Variants in CACNA2D3 observed in about 807,000 individuals in gnomAD.
CACNA2D3 encodes the protein voltage-dependent calcium channel subunit alpha-2/delta-3.
In CACNA2D3, 60 loss-of-function variants were observed where a neutral mutation model predicts 160.6. The ratio of observed to expected loss-of-function variants is 0.37; its 90% confidence interval spans 0.30 to 0.46. The LOEUF (loss-of-function observed/expected upper bound fraction) is 0.46, where lower values mean the gene tolerates loss of function less well. Among genes scored for constraint, CACNA2D3 ranks in the 20% least tolerant of loss-of-function variants. The probability of loss-of-function intolerance (pLI) is 1.00; values close to 1 mark genes in which losing one functional copy is unlikely to be tolerated. For missense variants in CACNA2D3, 1,205 were observed against 1,365.0 expected, an observed-to-expected ratio of 0.88 and a Z score of 1.85; for synonymous variants, 558 against 492.9, an observed-to-expected ratio of 1.13 and a Z score of -1.75.
At chr3:54,937,060 C>T (rs1701345729) in intron 27 of CACNA2D3, among the ~76,000 whole-genome samples, 1 of 152,094 alleles carries the variant, frequency 6.6e-6, no homozygotes, top group African/African-American at 2.4e-5. Flanking sequence ...AGAGCAGTGC[C>T]CGTGTTCACC....
chr3:54,404,950 CATT>C (rs1699545685), intron 4 of CACNA2D3, among the ~76,000 whole-genome samples: 1 of 121,402 alleles, frequency 8.2e-6, no homozygotes, highest in Non-Finnish European at 1.7e-5. Flanking sequence ...AACTATAAAA[CATT>C]GATGAAACAA....
intron 13 of CACNA2D3, among the ~76,000 whole-genome samples, chr3:54,811,465 C>CTTTTTTTTTTTTTTTTT (rs71096451): frequency 2.7e-5 from 3 of 111,562 alleles, no homozygotes; most frequent in Admixed American, 9.9e-5. Flanking sequence ...TCCCTCAGTT[C>CTTTTTTTTTTTTTTTTT]TTTTTTTTTT....
At chr3:54,536,510 A>T (rs536663859) in intron 5 of CACNA2D3, among the ~76,000 whole-genome samples, 23 of 152,356 alleles carry the variant, frequency 1.5e-4, no homozygotes, top group African/African-American at 5.5e-4. Context: ...GAACTCCTCC[A>T]GAAACCAGCC....
At chr3:54,202,626 G>A (rs918975348) in intron 2 of CACNA2D3, among the ~76,000 whole-genome samples, 1 of 152,188 alleles carries the variant, frequency 6.6e-6, no homozygotes, top group Non-Finnish European at 1.5e-5. Context: ...TAATTATCCA[G>A]TTAATGCATG....
At chr3:54,716,182 G>A (rs562699556) in intron 11 of CACNA2D3, among the ~76,000 whole-genome samples, 4 of 152,230 alleles carry the variant, frequency 2.6e-5, no homozygotes, top group Non-Finnish European at 4.4e-5. Context: ...TCCCATGTAC[G>A]CTTCCCCAGT....
chr3:54,903,816 G>C lies in CACNA2D3; in HGVS notation c.2449+3948G>C, dbSNP rs1251049082. 3.9e-5 allele frequency among the ~76,000 whole-genome samples: 6 copies of C among 152,160 alleles called. 1 individual carries two copies. Among genetic ancestry groups the C allele is most frequent in the African/African-American group, 1.4e-4 (6 of 41,434 alleles). On this transcript the variant is annotated intron_variant, in intron 27 of 37. Transcript: ENST00000474759. ...CATTTATCTAATGATCAGTGATGTT[G>C]AGCTTTTTTTCATATGCTTGTGAGC...
intron 11 of CACNA2D3, among the ~76,000 whole-genome samples, chr3:54,659,049 A>G (rs754699329): frequency 6.6e-6 from 1 of 152,042 alleles, no homozygotes; most frequent in South Asian, 2.1e-4. Context: ...CTTAGGTACT[A>G]CTTTTTCAAT....
rs868246842 is a variant in CACNA2D3 at position 54,391,096 on chromosome 3, A to G, written c.381+4322A>G. The stretch of plus-strand genomic sequence containing the variant: ...TCCGTCTTCCCAAAACAGAAAAGAG[A>G]TGATGGATCTGCCCCTTCTCTCGCT... On this transcript the variant is annotated intron_variant, in intron 4 of 37. Transcript: ENST00000474759. 9.2e-5 allele frequency among the ~76,000 whole-genome samples: 14 copies of G among 152,294 alleles called. 1 individual carries two copies. The South Asian group carries it at 2.7e-3, about 29-fold the overall frequency.
chr3:54,709,515 C>G (rs569314172), intron 11 of CACNA2D3, among the ~76,000 whole-genome samples: 80 of 152,204 alleles, frequency 5.3e-4, no homozygotes, highest in African/African-American at 1.8e-3. Flanking sequence ...TGTACATCAC[C>G]ATGCTGGGCT....
intron 13 of CACNA2D3, among the ~76,000 whole-genome samples, chr3:54,799,245 C>T (rs896595092): frequency 6.6e-6 from 1 of 152,096 alleles, no homozygotes; most frequent in Admixed American, 6.5e-5. Context: ...TATTATAGAC[C>T]AGGTCTGTGG....
At chr3:54,496,678 A>C (rs1701208183) in intron 4 of CACNA2D3, among the ~76,000 whole-genome samples, 1 of 152,204 alleles carries the variant, frequency 6.6e-6, no homozygotes, top group African/African-American at 2.4e-5. Context: ...TTTAAAATGT[A>C]AGTGCCTTCT....
At chr3:54,920,686 A>G (rs1041869733) in intron 27 of CACNA2D3, among the ~76,000 whole-genome samples, 2 of 152,174 alleles carry the variant, frequency 1.3e-5, no homozygotes, top group African/African-American at 4.8e-5. Flanking sequence ...AGAGACAGAA[A>G]TGAAGTGATG....
rs141453618 is a variant in CACNA2D3, at chr3:54,918,504, A to G, written c.2449+18636A>G. 110 of 1,613,890 alleles carry G rather than the reference A, an allele frequency of 6.8e-5. No homozygotes were observed. The African/African-American group carries it at 1.3e-3, about 19-fold the overall frequency. Reference sequence around the variant, plus strand: ...ATCGCTCTTTTTCTTCCACCTTCCCAGGATCATTGGTTTGAGCCAAGGGTC... The same window carrying G: ...ATCGCTCTTTTTCTTCCACCTTCCCGGGATCATTGGTTTGAGCCAAGGGTC... On this transcript the variant is annotated intron_variant, in intron 27 of 37. Coordinates refer to ENST00000474759, the MANE Select transcript of CACNA2D3 (RefSeq NM_018398.3).
At chr3:54,281,033 A>T (rs1702867988) in intron 2 of CACNA2D3, among the ~76,000 whole-genome samples, 1 of 152,134 alleles carries the variant, frequency 6.6e-6, no homozygotes. Flanking sequence ...CATCCACCCT[A>T]GAGGCTGGCA....
intron 2 of CACNA2D3, among the ~76,000 whole-genome samples, chr3:54,292,188 C>T (rs750200374): frequency 3.3e-5 from 5 of 151,970 alleles, no homozygotes; most frequent in Non-Finnish European, 7.4e-5. Context: ...AAATGTTAGA[C>T]CAAAGGCCCA....
At chr3:54,793,935 T>C (rs1489056626) in intron 13 of CACNA2D3, among the ~76,000 whole-genome samples, 1 of 152,154 alleles carries the variant, frequency 6.6e-6, no homozygotes, top group Non-Finnish European at 1.5e-5. Context: ...TTTTTATTTC[T>C]TAATATCAAT....
intron 2 of CACNA2D3, among the ~76,000 whole-genome samples, chr3:54,159,858 A>T (rs536118515): frequency 2.0e-4 from 31 of 152,356 alleles, no homozygotes; most frequent in African/African-American, 7.5e-4. Context: ...CATGAATAGG[A>T]AAGAAATCAC....
intron 35 of CACNA2D3, among the ~76,000 whole-genome samples, chr3:55,020,515 C>G (rs1703423037): frequency 6.6e-6 from 1 of 150,722 alleles, no homozygotes; most frequent in Non-Finnish European, 1.5e-5. Context: ...TGTAGAATGT[C>G]TAATGTGAAA....
chr3:54,447,375 C>G (rs944405060), intron 4 of CACNA2D3, among the ~76,000 whole-genome samples: 1 of 152,184 alleles, frequency 6.6e-6, no homozygotes, highest in Admixed American at 6.5e-5. Flanking sequence ...AGTTTCAAGG[C>G]TATTTCAGGA....
Sources: gnomAD v4.1 joint callset for allele counts (sites outside exome capture counted in the v4.1 genomes callset) on GRCh38, gnomAD v4.1.1 for gene constraint, MANE v1.5 for transcripts, NCBI Gene and HGNC (gene_info 2026-07-23, HGNC 2026-07-21) for gene names.